POU2F2: variants seen among roughly 807,000 people sequenced by gnomAD.
POU2F2 encodes POU class 2 homeobox 2.
Under a neutral mutation model 63.5 loss-of-function variants are expected in POU2F2, and 14 were observed. That is an observed-to-expected ratio of 0.22 (90% confidence interval 0.15 to 0.34). The LOEUF (loss-of-function observed/expected upper bound fraction) is 0.34. POU2F2 is among the 10% of genes least tolerant of loss of function. The pLI, the probability that POU2F2 is intolerant of heterozygous loss-of-function variation, is 1.00. For missense variants in POU2F2, 607 were observed against 815.2 expected (o/e 0.74, Z 3.11); for synonymous variants, 306 against 348.6 (o/e 0.88, Z 1.36).
intron 5 of POU2F2, among the ~76,000 whole-genome samples, chr19:42,101,727 C>A (rs1282551598): frequency 1.3e-5 from 2 of 152,174 alleles, no homozygotes; most frequent in Non-Finnish European, 2.9e-5. Context: ...CCTGTAATCC[C>A]AGCACTTTGG....
chr19:42,097,304 A>G (rs1398687005), intron 7 of POU2F2, among the ~76,000 whole-genome samples: 1 of 147,890 alleles, frequency 6.8e-6, no homozygotes, highest in Admixed American at 6.9e-5. Context: ...TTCAAGTGAT[A>G]CTCCTGCCTC....
chr19:42,102,625 G>A, intron 5 of POU2F2, among the ~76,000 whole-genome samples: 1 of 150,690 alleles, frequency 6.6e-6, no homozygotes, highest in Non-Finnish European at 1.5e-5. Flanking sequence ...ATAGTGGTGA[G>A]TAAAAAATAA....
intron 1 of POU2F2, among the ~76,000 whole-genome samples, chr19:42,131,925 G>C (rs530143993): frequency 2.3e-4 from 35 of 152,134 alleles, no homozygotes; most frequent in Non-Finnish European, 4.7e-4. Context: ...CCCACTCAGA[G>C]CACTCAGAAC....
At chr19:42,186,814 T>C (rs968415984) in intron 1 of POU2F2, among the ~76,000 whole-genome samples, 1 of 152,114 alleles carries the variant, frequency 6.6e-6, no homozygotes, top group Non-Finnish European at 1.5e-5. Context: ...CCAAGGATGA[T>C]GCCCACGTTT....
chr19:42,101,446 C>T (rs186584044), intron 5 of POU2F2, among the ~76,000 whole-genome samples: 3 of 151,960 alleles, frequency 2.0e-5, no homozygotes, highest in Non-Finnish European at 2.9e-5. Context: ...ACATGGATAA[C>T]GGGAAGATGA....
chr19:42,113,827 G>T (rs1049915130), intron 5 of POU2F2, among the ~76,000 whole-genome samples: 2 of 152,154 alleles, frequency 1.3e-5, no homozygotes, highest in African/African-American at 4.8e-5. Flanking sequence ...ATGAGATGCG[G>T]CCCGGGAGAG....
chr19:42,135,225 T>C (rs2033979467), upstream of POU2F2, among the ~76,000 whole-genome samples: 1 of 152,034 alleles, frequency 6.6e-6, no homozygotes, highest in Non-Finnish European at 1.5e-5. Context: ...ACCCCTAGCT[T>C]GGCAGGAGAC....
chr19:42,145,843 A>G (rs192004521), intron 2 of POU2F2, among the ~76,000 whole-genome samples: 76 of 152,256 alleles, frequency 5.0e-4, no homozygotes, highest in Admixed American at 2.5e-3. Context: ...CTGAGGCAGA[A>G]GAATCACTTA....
rs187001636 is a variant in POU2F2 at position 42,149,432 on chromosome 19, A to G, written c.-9+10900T>C. On this transcript the variant is annotated intron_variant, in intron 2 of 6. Coordinates refer to the POU2F2 transcript ENST00000524801. ...GAGATGAACCAAGAGAGATGGGGCTAGACAAGGGATGTGGGGCGCAGGCAG... is the reference window on the plus strand; with the variant it reads ...GAGATGAACCAAGAGAGATGGGGCTGGACAAGGGATGTGGGGCGCAGGCAG... 1.2e-4 allele frequency among the ~76,000 whole-genome samples: 19 copies of G among 152,248 alleles called. No individual in the cohort carries two copies. The East Asian group carries it at 3.7e-3, about 29-fold the overall frequency.
Position 42,091,866 on chromosome 19 carries a change from C to T in POU2F2, c.1540+1G>A. 6.5e-7 allele frequency: 1 copy of T among 1,538,770 alleles called. No individual in the cohort carries two copies. Among genetic ancestry groups the T allele is most frequent in the Non-Finnish European group, 8.7e-7 (1 of 1,146,896 alleles). On this transcript the variant is annotated splice_donor_variant, in intron 14 of 14. Coordinates refer to ENST00000692977, the MANE Select transcript of POU2F2 (RefSeq NM_001394376.1). LOFTEE classifies it high-confidence loss of function. ...TGGGTGTGACATGAGGCAGCACGCA[C>T]CTTGGATAGTGGCCAAAGGGTTGTT...
At chr19:42,175,940 T>C (rs1438944438) in intron 1 of POU2F2, 2 of 151,866 alleles carry the variant, frequency 1.3e-5, no homozygotes, top group African/African-American at 4.9e-5. Context: ...CCCAGCCCTT[T>C]CTCGTTCCCT....
At chr19:42,133,360 G>C (rs560557224), upstream of POU2F2, 7 of 152,408 alleles carry the variant, frequency 4.6e-5, no homozygotes, top group East Asian at 1.4e-3. The surrounding 1 kb of genome is among the most constrained non-coding windows in gnomAD (Gnocchi z 5.1). Flanking sequence ...TCGCACACCT[G>C]CGAGGGTCAC....
At chr19:42,094,777 A>G (rs1372466191) in intron 11 of POU2F2, among the ~76,000 whole-genome samples, 1 of 152,020 alleles carries the variant, frequency 6.6e-6, no homozygotes, top group African/African-American at 2.4e-5. Flanking sequence ...CCTCCTTCAC[A>G]CCGATGGGGG....
At chr19:42,120,607 TC>T (rs1293369639) in intron 4 of POU2F2, among the ~76,000 whole-genome samples, 28 of 152,322 alleles carry the variant, frequency 1.8e-4, no homozygotes, top group Admixed American at 1.6e-3. Context: ...CACAAGAGAC[TC>T]TGGGTAAATT....
intron 4 of POU2F2, among the ~76,000 whole-genome samples, chr19:42,120,235 G>A (rs1034078908): frequency 1.3e-5 from 1 of 77,116 alleles, no homozygotes; most frequent in Non-Finnish European, 2.6e-5. Flanking sequence ...TTTTTTTTTT[G>A]AGCTGGAGTC....
intron 1 of POU2F2, among the ~76,000 whole-genome samples, chr19:42,167,284 G>A (rs1258019613): frequency 5.9e-5 from 9 of 151,982 alleles, no homozygotes; most frequent in East Asian, 1.9e-4. Context: ...ATGAAACCCC[G>A]TCTCTACAAA....
chr19:42,184,995 T>C (rs2034998599), intron 1 of POU2F2, among the ~76,000 whole-genome samples: 1 of 152,122 alleles, frequency 6.6e-6, no homozygotes, highest in Admixed American at 6.5e-5. Flanking sequence ...CCACTCCCCA[T>C]GGTGATACTC....
rs2034386383 is a variant in POU2F2 at position 42,153,064 on chromosome 19, G to A, written c.-9+7268C>T. Among the ~76,000 whole-genome samples, 3 of 152,344 alleles carry A rather than the reference G, an allele frequency of 2.0e-5. No homozygotes were observed. The highest frequency in any genetic ancestry group is 4.1e-4 in the South Asian group (2 of 4,832). On this transcript the variant is annotated intron_variant, in intron 2 of 6. Transcript: ENST00000524801. The surrounding 1 kb of genome is among the most constrained non-coding windows in gnomAD (Gnocchi z 5.6). ...CTGCCCCGCCTTTGGGTCCCTGCGGGTAGAAGTTGCCTTGGCCTCACCCCA... is the reference window on the plus strand; with the variant it reads ...CTGCCCCGCCTTTGGGTCCCTGCGGATAGAAGTTGCCTTGGCCTCACCCCA...
chr19:42,086,412 G>A lies in POU2F2; in HGVS notation c.*4845C>T, dbSNP rs1021427711. 4 of 152,130 alleles carry A rather than the reference G, an allele frequency of 2.6e-5. No homozygotes were observed. Among genetic ancestry groups the A allele is most frequent in the Non-Finnish European group, 5.9e-5 (4 of 68,040 alleles). The allele number at this position is 152,130 out of a possible 1,614,324, so 9.4% of individuals were successfully genotyped here. On this transcript the variant is annotated 3_prime_UTR_variant, in exon 15 of 15. Coordinates refer to ENST00000692977, the MANE Select transcript of POU2F2 (RefSeq NM_001394376.1). ...GCTGATTTCTGGATGCCGGTTCCTGGGCACCCTTGCCTTGTACTTGCCACC... is the reference window on the plus strand; with the variant it reads ...GCTGATTTCTGGATGCCGGTTCCTGAGCACCCTTGCCTTGTACTTGCCACC...
Sources: gnomAD v4.1 joint callset for allele counts (sites outside exome capture counted in the v4.1 genomes callset) on GRCh38, gnomAD v4.1.1 for gene constraint, Gnocchi (gnomAD v3.1) non-coding constraint, MANE v1.5 for transcripts, NCBI Gene and HGNC (gene_info 2026-07-23, HGNC 2026-07-21) for gene names.